Variants in RSPO2 observed in about 807,000 individuals in gnomAD.
The protein encoded by RSPO2 is R-spondin 2, also known as R-spondin-2.
A neutral mutation model predicts 30.9 loss-of-function variants in RSPO2; 14 were observed. The observed-to-expected ratio is 0.45, with a 90% confidence interval of 0.30 to 0.71. RSPO2 has a LOEUF of 0.71. Ranked by LOEUF, RSPO2 falls within the 30% of genes least tolerant of loss-of-function variation. RSPO2 has a pLI of 0.08. For synonymous variants in RSPO2, 107 were observed against 96.4 expected, an observed-to-expected ratio of 1.11 and a Z score of -0.64; for missense variants, 264 against 301.9, an observed-to-expected ratio of 0.87 and a Z score of 0.93.
chr8:108,065,176 A>G (rs1165933929), intron 2 of RSPO2, among the ~76,000 whole-genome samples: 5 of 151,998 alleles, frequency 3.3e-5, no homozygotes, highest in African/African-American at 9.7e-5. Flanking sequence ...ATAAGTTAAA[A>G]AAAAAAGAGT....
chr8:107,998,619 TTAAAGG>T (rs1815111225), intron 2 of RSPO2, among the ~76,000 whole-genome samples: 1 of 152,270 alleles, frequency 6.6e-6, no homozygotes, highest in South Asian at 2.1e-4. Context: ...TTAATAAAGC[TTAAAGG>T]TAAATTTCTA....
rs542112462 is a variant in RSPO2, at chr8:107,988,695, T to A, written c.283+361A>T. ...CAGGCTAGAGCACAGCGGTGCTATC[T>A]CAGCTCACTGCAACCTCCGCCTCCC... On this transcript the variant is annotated intron_variant, in intron 3 of 5. Transcript: ENST00000276659. 6.6e-5 allele frequency among the ~76,000 whole-genome samples: 10 copies of A among 152,290 alleles called. No homozygotes were observed. In the South Asian group the frequency reaches 1.9e-3, roughly 28 times the overall value.
chr8:107,970,733 G>T (rs1382393364), intron 3 of RSPO2, among the ~76,000 whole-genome samples: 3 of 152,140 alleles, frequency 2.0e-5, no homozygotes, highest in Non-Finnish European at 2.9e-5. Flanking sequence ...TTAATTTCTT[G>T]CTTGCTGTGG....
chr8:108,070,362 G>A (rs1472423330), intron 2 of RSPO2, among the ~76,000 whole-genome samples: 3 of 141,832 alleles, frequency 2.1e-5, no homozygotes, highest in Admixed American at 7.7e-5. Flanking sequence ...GTGCAATCTC[G>A]GCTCACTGCA....
chr8:108,070,185 G>A (rs1812793817), intron 2 of RSPO2, among the ~76,000 whole-genome samples: 1 of 151,934 alleles, frequency 6.6e-6, no homozygotes, highest in Non-Finnish European at 1.5e-5. Context: ...TTAGCTGAGA[G>A]TCGTGGCACA....
At chr8:107,964,979 A>G (rs1013737317) in intron 3 of RSPO2, among the ~76,000 whole-genome samples, 6 of 152,178 alleles carry the variant, frequency 3.9e-5, no homozygotes, top group African/African-American at 1.2e-4. Flanking sequence ...TTTCTTCCAT[A>G]CACTTTAGAA....
chr8:107,945,467 C>T (rs560741340), intron 5 of RSPO2, among the ~76,000 whole-genome samples: 2 of 151,998 alleles, frequency 1.3e-5, no homozygotes, highest in Admixed American at 6.5e-5. Context: ...CCAGGATGGT[C>T]TAGATCTCCT....
intron 2 of RSPO2, among the ~76,000 whole-genome samples, chr8:108,037,666 A>T (rs1563574193): frequency 1.3e-5 from 2 of 152,230 alleles, no homozygotes; most frequent in African/African-American, 4.8e-5. Flanking sequence ...TTCAAAGAAC[A>T]GGCTGACTCT....
chr8:107,974,251 C>T (rs1295588990), intron 3 of RSPO2, among the ~76,000 whole-genome samples: 1 of 151,532 alleles, frequency 6.6e-6, no homozygotes, highest in Admixed American at 6.6e-5. Flanking sequence ...CTTTGGGAGG[C>T]CGAGGCAGGA....
intron 2 of RSPO2, among the ~76,000 whole-genome samples, chr8:108,026,411 T>C (rs993942137): frequency 6.6e-6 from 1 of 152,322 alleles, no homozygotes; most frequent in Non-Finnish European, 1.5e-5. Context: ...AACAGTATTA[T>C]ATCAGTGCTA....
At chr8:107,931,745 A>G (rs1485260349) in intron 5 of RSPO2, among the ~76,000 whole-genome samples, 1 of 152,166 alleles carries the variant, frequency 6.6e-6, no homozygotes, top group Non-Finnish European at 1.5e-5. Context: ...AGAAACTTCC[A>G]TATAGCCAGA....
In RSPO2 at chr8:107,958,274, A is replaced by T. The variant is rs758474278; in HGVS notation, c.428-6T>A. On this transcript the variant is annotated splice_region_variant and splice_polypyrimidine_tract_variant and intron_variant, in intron 4 of 5. Coordinates refer to ENST00000276659, the MANE Select transcript of RSPO2 (RefSeq NM_178565.5). ...ATGACCAACTTCACATCCTTCTAGT[A>T]AAGATTTTTAGAAAAAGAAAAAAAA... The T allele has an allele frequency of 1.2e-6, 2 of 1,603,556 alleles. No homozygotes were observed. The highest frequency in any genetic ancestry group is 1.7e-6 in the Non-Finnish European group (2 of 1,175,002).
At chr8:107,975,399 T>A (rs1452900180) in intron 3 of RSPO2, among the ~76,000 whole-genome samples, 1 of 152,162 alleles carries the variant, frequency 6.6e-6, no homozygotes, top group Admixed American at 6.5e-5. Flanking sequence ...ACACACACAC[T>A]CTAGTATTAT....
chr8:108,039,762 C>A (rs1196735832), intron 2 of RSPO2, among the ~76,000 whole-genome samples: 1 of 152,060 alleles, frequency 6.6e-6, no homozygotes, highest in Non-Finnish European at 1.5e-5. Flanking sequence ...TTGTTATAGA[C>A]CAGATGCTTG....
intron 2 of RSPO2, among the ~76,000 whole-genome samples, chr8:108,006,226 G>C (rs1215153333): frequency 6.6e-6 from 1 of 152,080 alleles, no homozygotes; most frequent in Non-Finnish European, 1.5e-5. Context: ...TGATATTCTA[G>C]AGAATTCAAC....
intron 2 of RSPO2, among the ~76,000 whole-genome samples, chr8:108,070,790 T>C (rs1194550914): frequency 1.3e-5 from 2 of 152,236 alleles, no homozygotes; most frequent in African/African-American, 4.8e-5. Flanking sequence ...AGATGCTCTC[T>C]GCTGTTGGAA....
chr8:108,046,407 A>C (rs1563577485), intron 2 of RSPO2, among the ~76,000 whole-genome samples: 2 of 152,202 alleles, frequency 1.3e-5, no homozygotes, highest in Non-Finnish European at 2.9e-5. Flanking sequence ...AAAAGATTAG[A>C]AAGAAAATTA....
rs189182990 is a variant in RSPO2, at chr8:108,044,555, T to C, written c.94+37990A>G. On this transcript the variant is annotated intron_variant, in intron 2 of 5. Transcript: ENST00000276659. ...AAGGACATTATTTTATTCCTTTTTATGGCTGTGTAGTATTACCTGGTATAT... is the reference window on the plus strand; with the variant it reads ...AAGGACATTATTTTATTCCTTTTTACGGCTGTGTAGTATTACCTGGTATAT... Among the ~76,000 whole-genome samples the C allele has an allele frequency of 5.1e-3, 779 of 152,308 alleles. 9 individuals are homozygous for C. The highest frequency in any genetic ancestry group is 0.017 in the African/African-American group (705 of 41,576).
intron 5 of RSPO2, among the ~76,000 whole-genome samples, chr8:107,908,120 G>A (rs1014708975): frequency 2.6e-5 from 4 of 152,040 alleles, no homozygotes; most frequent in African/African-American, 4.8e-5. Context: ...TCCTGCACAC[G>A]GTATTTCAAA....
Sources: gnomAD v4.1 joint callset for allele counts (sites outside exome capture counted in the v4.1 genomes callset) on GRCh38, gnomAD v4.1.1 for gene constraint, MANE v1.5 for transcripts, NCBI Gene and HGNC (gene_info 2026-07-23, HGNC 2026-07-21) for gene names.